NTM: variants seen among roughly 807,000 people sequenced by gnomAD.
NTM encodes neurotrimin.
Under a neutral mutation model 42.1 loss-of-function variants are expected in NTM, and 13 were observed. The ratio of observed to expected loss-of-function variants is 0.31; its 90% confidence interval spans 0.20 to 0.49. NTM has a LOEUF of 0.49. Ranked by LOEUF, NTM falls within the 20% of genes least tolerant of loss-of-function variation. The pLI, the probability that NTM is intolerant of heterozygous loss-of-function variation, is 0.99. For missense variants in NTM, 373 were observed against 452.8 expected (o/e 0.82, Z 1.60); for synonymous variants, 187 against 179.2 (o/e 1.04, Z -0.35).
At chr11:131,387,183 G>A (rs1327748476) in intron 1 of NTM, among the ~76,000 whole-genome samples, 1 of 151,976 alleles carries the variant, frequency 6.6e-6, no homozygotes, top group African/African-American at 2.4e-5. Flanking sequence ...GAAAACTTTC[G>A]GCACTCAATT....
chr11:131,621,980 G>C lies in NTM; in HGVS notation c.82+251092G>C, dbSNP rs188114640. On this transcript the variant is annotated intron_variant, in intron 1 of 8. Transcript: ENST00000683400. Reference sequence around the variant, plus strand: ...ATGTCCTTTCAGTCTCTCTTTGGAAGTCTCTCCTTTGGGAAAGTACATGAG... The same window carrying C: ...ATGTCCTTTCAGTCTCTCTTTGGAACTCTCTCCTTTGGGAAAGTACATGAG... Among the ~76,000 whole-genome samples the C allele has an allele frequency of 5.9e-5, 9 of 152,316 alleles. No homozygotes were observed. In the East Asian group the frequency reaches 1.7e-3, roughly 29 times the overall value.
intron 1 of NTM, among the ~76,000 whole-genome samples, chr11:131,678,827 G>A (rs1252539793): frequency 6.6e-6 from 1 of 152,154 alleles, no homozygotes; most frequent in Non-Finnish European, 1.5e-5. Flanking sequence ...CCAGAAGCGA[G>A]GCTAGAACAA....
At chr11:131,396,190 A>C (rs1944530894) in intron 1 of NTM, among the ~76,000 whole-genome samples, 1 of 152,230 alleles carries the variant, frequency 6.6e-6, no homozygotes, top group South Asian at 2.1e-4. Flanking sequence ...CTGATGGGCA[A>C]TGAGACTGGG....
chr11:131,660,065 G>A (rs117345092), intron 1 of NTM, among the ~76,000 whole-genome samples: 199 of 152,336 alleles, frequency 1.3e-3, no homozygotes, highest in Non-Finnish European at 2.1e-3. Context: ...CCTTACAGCC[G>A]ACAGAACCGA....
At chr11:132,200,172 T>G (rs1191783786) in intron 3 of NTM, among the ~76,000 whole-genome samples, 2 of 152,198 alleles carry the variant, frequency 1.3e-5, no homozygotes, top group African/African-American at 4.8e-5. Context: ...CAATAAGGTC[T>G]TGGAACACAA....
At chr11:131,962,358 G>T (rs1049157559) in intron 2 of NTM, among the ~76,000 whole-genome samples, 14 of 152,306 alleles carry the variant, frequency 9.2e-5, no homozygotes, top group Middle Eastern at 3.4e-3. Context: ...AAATTCACCT[G>T]TTGAAACCCT....
chr11:131,569,874 T>C (rs909188631), intron 1 of NTM, among the ~76,000 whole-genome samples: 7 of 152,236 alleles, frequency 4.6e-5, no homozygotes, highest in Non-Finnish European at 8.8e-5. Flanking sequence ...GGCCACCACG[T>C]CCGGCCTGTA....
In NTM at chr11:131,969,571, T is replaced by G. The variant is rs368271221; in HGVS notation, c.167+57923T>G. On this transcript the variant is annotated intron_variant, in intron 2 of 8. Coordinates refer to ENST00000683400, the MANE Select transcript of NTM (RefSeq NM_001352005.2). ...AGTCCTCCATGCCTTTCACTATGGA[T>G]TAGCCACATAATAGATGTTGGGGTT... 4.6e-5 allele frequency among the ~76,000 whole-genome samples: 7 copies of G among 152,306 alleles called. No individual in the cohort carries two copies. In the East Asian group the frequency reaches 1.2e-3, roughly 25 times the overall value.
chr11:131,985,919 C>G (rs763871692), intron 2 of NTM, among the ~76,000 whole-genome samples: 1 of 152,162 alleles, frequency 6.6e-6, no homozygotes, highest in Non-Finnish European at 1.5e-5. Flanking sequence ...GAGTGTTCCA[C>G]GAGTGTTTGC....
chr11:131,522,629 C>T (rs576270991), intron 1 of NTM, among the ~76,000 whole-genome samples: 16 of 152,294 alleles, frequency 1.1e-4, no homozygotes, highest in South Asian at 4.1e-4. Context: ...ATACGACCTA[C>T]GTGGAAAGGT....
At chr11:131,520,395 G>C (rs867207279) in intron 1 of NTM, among the ~76,000 whole-genome samples, 1 of 152,158 alleles carries the variant, frequency 6.6e-6, no homozygotes, top group Non-Finnish European at 1.5e-5. Flanking sequence ...AAGATTGTAA[G>C]TGGTAGAGGT....
chr11:132,149,725 C>G (rs1013344759), intron 3 of NTM, among the ~76,000 whole-genome samples: 3 of 152,088 alleles, frequency 2.0e-5, no homozygotes, highest in Non-Finnish European at 2.9e-5. Flanking sequence ...CTGGGGCAAG[C>G]TAGGAGCAAA....
At chr11:132,038,532 G>GT (rs146090268) in intron 2 of NTM, among the ~76,000 whole-genome samples, 2,181 of 152,236 alleles carry the variant, frequency 0.014, 53 homozygotes, top group African/African-American at 0.05. Flanking sequence ...TAAAGAGGGG[G>GT]TGAGATTGGA....
intron 3 of NTM, among the ~76,000 whole-genome samples, chr11:132,148,508 G>A (rs950379429): frequency 6.6e-6 from 1 of 152,014 alleles, no homozygotes; most frequent in African/African-American, 2.4e-5. Flanking sequence ...GACAATGAGA[G>A]ACTGGGAACT....
intron 1 of NTM, among the ~76,000 whole-genome samples, chr11:131,433,843 C>T (rs1284366971): frequency 6.6e-6 from 1 of 152,180 alleles, no homozygotes; most frequent in African/African-American, 2.4e-5. Context: ...TACATGTGCA[C>T]AACGTGCAGG....
chr11:131,516,101 G>T (rs2136506192), intron 1 of NTM, among the ~76,000 whole-genome samples: 1 of 152,296 alleles, frequency 6.6e-6, no homozygotes, highest in Non-Finnish European at 1.5e-5. Flanking sequence ...TAGCTATAGA[G>T]AAAGCATTAC....
intron 8 of NTM, among the ~76,000 whole-genome samples, chr11:132,334,059 G>A (rs2136499834): frequency 1.3e-5 from 2 of 152,348 alleles, no homozygotes; most frequent in East Asian, 3.9e-4. Context: ...ATGCAACAGA[G>A]TATGCCAGAG....
chr11:132,320,866 C>A (rs542390251), intron 7 of NTM, among the ~76,000 whole-genome samples: 28 of 151,636 alleles, frequency 1.8e-4, no homozygotes, highest in South Asian at 6.2e-4. Context: ...GGGTCCCTGA[C>A]CCCTGACCCC....
At chr11:131,951,313 CTTAGCCACTTAACAGCCA>C (rs2060957432) in intron 2 of NTM, among the ~76,000 whole-genome samples, 1 of 152,132 alleles carries the variant, frequency 6.6e-6, no homozygotes, top group South Asian at 2.1e-4. Context: ...ATGTTTGTGC[CTTAGCCACTTAACAGCCA>C]TTAGCCTAAT....
Sources: allele counts gnomAD v4.1 joint callset (sites outside exome capture counted in the v4.1 genomes callset), GRCh38; gene constraint gnomAD v4.1.1; transcripts MANE v1.5; gene names NCBI Gene and HGNC (gene_info 2026-07-23, HGNC 2026-07-21).